APOBEC2: variants seen among roughly 807,000 people sequenced by gnomAD.
APOBEC2 encodes the protein C->U-editing enzyme APOBEC-2.
APOBEC2 carries 14 observed loss-of-function variants against 19.4 expected under a neutral mutation model. That is an observed-to-expected ratio of 0.72 (90% CI 0.48 to 1.13). The LOEUF (loss-of-function observed/expected upper bound fraction) is 1.13. APOBEC2 is among the 50% of genes most tolerant of loss of function. The probability of loss-of-function intolerance (pLI) is 0.00; values close to 1 mark genes in which losing one functional copy is unlikely to be tolerated. For synonymous variants in APOBEC2, 127 were observed against 112.1 expected, an observed-to-expected ratio of 1.13 and a Z score of -0.84; for missense variants, 304 against 277.0, an observed-to-expected ratio of 1.10 and a Z score of -0.69.
chr6:41,055,687 C>T (rs2114025852), intron 1 of APOBEC2, among the ~76,000 whole-genome samples: 1 of 152,282 alleles, frequency 6.6e-6, no homozygotes, highest in South Asian at 2.1e-4. Context: ...AGGAGAGATG[C>T]CCAGCTCATA....
intron 1 of APOBEC2, among the ~76,000 whole-genome samples, chr6:41,057,585 G>A (rs890530616): frequency 1.3e-5 from 2 of 152,152 alleles, no homozygotes; most frequent in Admixed American, 6.5e-5. Flanking sequence ...AGTGGTCTGA[G>A]AAAGCAGAAG....
rs1026020170 is a variant in APOBEC2, at chr6:41,061,496, G to A, written c.300G>A (p.Glu100=). The change falls in exon 2 of 3, where the codon GAG becomes GAA. Residue 100 remains glutamate (E), a synonymous_variant. Coordinates refer to ENST00000244669, the MANE Select transcript of APOBEC2 (RefSeq NM_006789.4). ...ATGAGCATGCGGCTGCCCATGCAGA[G>A]GAAGCTTTCTTCAACACCATCCTGC... is the stretch of plus-strand genomic sequence containing the variant. The part of the protein sequence containing the change: ...LEDEHAAAHA[E]EAFFNTILPA... 6.2e-7 allele frequency: 1 copy of A among 1,614,044 alleles called. No individual in the cohort carries two copies. Among genetic ancestry groups the A allele is most frequent in the Non-Finnish European group, 8.5e-7 (1 of 1,179,938 alleles).
intron 1 of APOBEC2, among the ~76,000 whole-genome samples, chr6:41,055,467 G>C (rs1762783475): frequency 1.3e-5 from 2 of 152,270 alleles, no homozygotes; most frequent in Admixed American, 1.3e-4. Flanking sequence ...GCAGGGAGAG[G>C]GTGAGGGAAT....
At chr6:41,058,403 A>G (rs1349192596) in intron 1 of APOBEC2, among the ~76,000 whole-genome samples, 1 of 59,304 alleles carries the variant, frequency 1.7e-5, no homozygotes, top group South Asian at 4.5e-4. Flanking sequence ...ACCCCACCAC[A>G]CACACACACA....
intron 1 of APOBEC2, among the ~76,000 whole-genome samples, chr6:41,057,973 T>C (rs1337541249): frequency 6.6e-6 from 1 of 152,178 alleles, no homozygotes; most frequent in African/African-American, 2.4e-5. Context: ...GAAGTGTGAC[T>C]GGTCTTGTTT....
chr6:41,060,399 C>T (rs897253890), intron 1 of APOBEC2, among the ~76,000 whole-genome samples: 6 of 152,190 alleles, frequency 3.9e-5, no homozygotes, highest in African/African-American at 1.4e-4. Context: ...TACTGCCTCC[C>T]GAATCAAGGC....
At chr6:41,062,131 G>C (rs915298158) in intron 2 of APOBEC2, among the ~76,000 whole-genome samples, 7 of 152,274 alleles carry the variant, frequency 4.6e-5, no homozygotes, top group African/African-American at 1.2e-4. Flanking sequence ...AATACTCAAG[G>C]TTGACAGGAA....
At chr6:41,061,976 T>A in intron 2 of APOBEC2, 84 bp downstream of exon 2, 1 of 1,273,490 alleles carries the variant, frequency 7.9e-7, no homozygotes, top group Non-Finnish European at 1.1e-6. Flanking sequence ...ATCTGTGATA[T>A]GTCTGATTTT....
intron 2 of APOBEC2, among the ~76,000 whole-genome samples, chr6:41,062,482 A>C (rs1762888615): frequency 6.6e-6 from 1 of 152,210 alleles, no homozygotes; most frequent in Admixed American, 6.5e-5. Context: ...TTTGAAGGAG[A>C]CCAACAATTG....
At chr6:41,054,392 G>A (rs938428732) in intron 1 of APOBEC2, among the ~76,000 whole-genome samples, 13 of 152,238 alleles carry the variant, frequency 8.5e-5, no homozygotes, top group African/African-American at 3.1e-4. Flanking sequence ...CACAGGCAGA[G>A]TGGGTGCGAG....
chr6:41,062,689 T>C lies in APOBEC2; in HGVS notation c.*21+797T>C, dbSNP rs375090657. Among the ~76,000 whole-genome samples the C allele has an allele frequency of 3.9e-4, 59 of 152,286 alleles. No individual in the cohort carries two copies. The South Asian group carries it at 9.7e-3, about 25-fold the overall frequency. On this transcript the variant is annotated intron_variant, in intron 2 of 2. Transcript: ENST00000244669. ...ACCTCTTACAGATATCAAGAGGTGA[T>C]AGGAGAAAGATTAGCTATTTAAGCA...
chr6:41,056,034 C>A (rs759820900), intron 1 of APOBEC2, among the ~76,000 whole-genome samples: 6 of 152,158 alleles, frequency 3.9e-5, no homozygotes. Context: ...GGAAAGGGAT[C>A]AGGTTTGGTA....
At chr6:41,055,494 C>T (rs971718126) in intron 1 of APOBEC2, among the ~76,000 whole-genome samples, 1 of 152,120 alleles carries the variant, frequency 6.6e-6, no homozygotes, top group Non-Finnish European at 1.5e-5. Flanking sequence ...CCTCTCCTTC[C>T]CTCTTGAGAT....
chr6:41,060,813 A>G (rs1762860521), intron 1 of APOBEC2, among the ~76,000 whole-genome samples: 1 of 152,264 alleles, frequency 6.6e-6, no homozygotes, highest in African/African-American at 2.4e-5. Flanking sequence ...AATGCTCTGC[A>G]AAATCTTTGT....
In APOBEC2 at chr6:41,054,916, T is replaced by G. The variant is rs183974163; in HGVS notation, c.131+1438T>G. 1.7e-3 allele frequency among the ~76,000 whole-genome samples: 255 copies of G among 152,274 alleles called. 1 individual carries two copies. The highest frequency in any genetic ancestry group is 0.015 in the Admixed American group (237 of 15,298). ...GAGGGAGGGTAGGTCAAGAACAGAA[T>G]TAGACTATGTTTGTTCAGCTGAACA... On this transcript the variant is annotated intron_variant, in intron 1 of 2. Transcript: ENST00000244669.
At chr6:41,062,601 T>C (rs1762890062) in intron 2 of APOBEC2, among the ~76,000 whole-genome samples, 1 of 152,220 alleles carries the variant, frequency 6.6e-6, no homozygotes, top group Non-Finnish European at 1.5e-5. Flanking sequence ...AACAAGCTAG[T>C]CCATGCAGGA....
chr6:41,059,643 T>C (rs768285928), intron 1 of APOBEC2, among the ~76,000 whole-genome samples: 2 of 152,130 alleles, frequency 1.3e-5, no homozygotes, highest in Non-Finnish European at 2.9e-5. Flanking sequence ...CTCAAACACA[T>C]CCATCTCCAC....
At chr6:41,055,185 A>C (rs753178729) in intron 1 of APOBEC2, among the ~76,000 whole-genome samples, 10 of 152,214 alleles carry the variant, frequency 6.6e-5, no homozygotes, top group African/African-American at 2.4e-4. Flanking sequence ...TCTTACTCCC[A>C]GCAAAGTATC....
intron 1 of APOBEC2, among the ~76,000 whole-genome samples, chr6:41,054,853 C>T (rs943191182): frequency 3.9e-5 from 6 of 152,212 alleles, no homozygotes; most frequent in East Asian, 1.9e-4. Flanking sequence ...TACACACACG[C>T]GTGTGCACAC....
Sources: gnomAD v4.1 joint callset for allele counts (sites outside exome capture counted in the v4.1 genomes callset) on GRCh38, gnomAD v4.1.1 for gene constraint, MANE v1.5 for transcripts, NCBI Gene and HGNC (gene_info 2026-07-23, HGNC 2026-07-21) for gene names.